Variants in AUTS2 observed in about 807,000 individuals in gnomAD.
AUTS2 encodes the protein autism susceptibility gene 2 protein.
Under a neutral mutation model 112.4 loss-of-function variants are expected in AUTS2, and 17 were observed. The observed-to-expected ratio is 0.15, with a 90% CI of 0.10 to 0.23. AUTS2 has a LOEUF of 0.23. Among genes scored for constraint, AUTS2 ranks in the 10% least tolerant of loss-of-function variants. AUTS2 has a pLI of 1.00. For synonymous variants in AUTS2, 751 were observed against 702.7 expected (o/e 1.07, Z -1.09); for missense variants, 1,510 against 1,701.6 (o/e 0.89, Z 1.98).
chr7:70,152,429 A>G, intron 4 of AUTS2, among the ~76,000 whole-genome samples: 1 of 147,716 alleles, frequency 6.8e-6, no homozygotes, highest in African/African-American at 2.5e-5. Flanking sequence ...CTGACAGCAG[A>G]TTTTTTTTTT....
At chr7:70,133,407 G>A (rs1051390072) in intron 3 of AUTS2, among the ~76,000 whole-genome samples, 2 of 152,148 alleles carry the variant, frequency 1.3e-5, no homozygotes, top group African/African-American at 4.8e-5. Context: ...TGCATCCTGT[G>A]TGCAAGTCAT....
intron 2 of AUTS2, among the ~76,000 whole-genome samples, chr7:69,999,513 C>T (rs1282738869): frequency 6.6e-6 from 1 of 152,124 alleles, no homozygotes; most frequent in Non-Finnish European, 1.5e-5. Flanking sequence ...TTTAAGAGCA[C>T]AGAATGTTGG....
At chr7:69,838,546 C>G (rs1450334360) in intron 1 of AUTS2, among the ~76,000 whole-genome samples, 1 of 152,172 alleles carries the variant, frequency 6.6e-6, no homozygotes, top group African/African-American at 2.4e-5. Flanking sequence ...CCATCAAAAC[C>G]TTTGCTATCT....
intron 1 of AUTS2, among the ~76,000 whole-genome samples, chr7:69,893,170 G>T (rs1184387307): frequency 6.6e-6 from 1 of 152,150 alleles, no homozygotes; most frequent in Admixed American, 6.5e-5. Flanking sequence ...TAAAAGATGT[G>T]AATCTTAGGG....
At chr7:69,677,518 G>C (rs1268736725) in intron 1 of AUTS2, among the ~76,000 whole-genome samples, 3 of 152,162 alleles carry the variant, frequency 2.0e-5, no homozygotes, top group Non-Finnish European at 2.9e-5. Context: ...GAGGAAAAAA[G>C]ATGGTATCTT....
chr7:70,293,178 A>G (rs2129612220), intron 4 of AUTS2: 1 of 152,276 alleles, frequency 6.6e-6, no homozygotes, highest in East Asian at 1.9e-4. Context: ...TCTCAAGGGT[A>G]AGGACACTGT....
chr7:69,764,842 C>G (rs1562867886), intron 1 of AUTS2, among the ~76,000 whole-genome samples: 1 of 152,148 alleles, frequency 6.6e-6, no homozygotes, highest in African/African-American at 2.4e-5. Flanking sequence ...TAGCCCCTTG[C>G]ATGCAAACTT....
At chr7:69,738,872 G>A (rs185063826) in intron 1 of AUTS2, among the ~76,000 whole-genome samples, 32 of 152,268 alleles carry the variant, frequency 2.1e-4, no homozygotes, top group Admixed American at 2.0e-3. Context: ...TTGGTAATCA[G>A]TGTGGAGGAA....
chr7:69,947,901 G>A (rs1796878899), intron 2 of AUTS2, among the ~76,000 whole-genome samples: 1 of 152,160 alleles, frequency 6.6e-6, no homozygotes, highest in African/African-American at 2.4e-5. Context: ...GAGAGATTAA[G>A]TAACTTGCCC....
At chr7:70,568,100 T>G (rs1801780715) in intron 5 of AUTS2, among the ~76,000 whole-genome samples, 1 of 152,264 alleles carries the variant, frequency 6.6e-6, no homozygotes, top group South Asian at 2.1e-4. Context: ...GATGGTCTTT[T>G]TTGTTTTCTT....
At chr7:70,554,943 C>T (rs766204875) in intron 5 of AUTS2, among the ~76,000 whole-genome samples, 77 of 152,254 alleles carry the variant, frequency 5.1e-4, no homozygotes, top group Non-Finnish European at 9.3e-4. Context: ...ATTGGCTTAG[C>T]TCTATTCCAC....
chr7:70,479,614 A>G (rs1797711742), intron 5 of AUTS2, among the ~76,000 whole-genome samples: 1 of 147,764 alleles, frequency 6.8e-6, no homozygotes, highest in African/African-American at 2.6e-5. Context: ...CGCTTTTGCC[A>G]TATATAATAT....
chr7:70,350,588 C>CTCATGAT (rs1008575973), intron 4 of AUTS2, among the ~76,000 whole-genome samples: 2 of 152,122 alleles, frequency 1.3e-5, no homozygotes, highest in African/African-American at 4.8e-5. Flanking sequence ...AAAACCCACC[C>CTCATGAT]TCATGATTCA....
chr7:70,725,384 T>C (rs1032300315), intron 6 of AUTS2, among the ~76,000 whole-genome samples: 1 of 152,134 alleles, frequency 6.6e-6, no homozygotes, highest in Non-Finnish European at 1.5e-5. Context: ...AGAATGGAAA[T>C]TACAGTGGCC....
chr7:70,655,761 CAA>C (rs1806739547), intron 5 of AUTS2, among the ~76,000 whole-genome samples: 1 of 152,200 alleles, frequency 6.6e-6, no homozygotes, highest in Non-Finnish European at 1.5e-5. Flanking sequence ...TACTGGAAGA[CAA>C]GAGAAAGGGA....
intron 6 of AUTS2, among the ~76,000 whole-genome samples, chr7:70,750,357 T>A (rs567181368): frequency 2.2e-4 from 31 of 142,106 alleles, no homozygotes; most frequent in African/African-American, 8.7e-4. Context: ...AGGGTCTCAC[T>A]CTGTTTTCCA....
intron 17 of AUTS2, among the ~76,000 whole-genome samples, chr7:70,786,638 T>G (rs890266175): frequency 6.6e-6 from 1 of 152,208 alleles, no homozygotes; most frequent in African/African-American, 2.4e-5. Flanking sequence ...TGCAAATTAT[T>G]TTCTTTCATG....
intron 5 of AUTS2, among the ~76,000 whole-genome samples, chr7:70,511,571 T>C (rs1381607152): frequency 3.9e-5 from 5 of 126,942 alleles, no homozygotes; most frequent in Non-Finnish European, 8.4e-5. Context: ...CTTTTTTTTT[T>C]TTTTTTTTTT....
intron 6 of AUTS2, among the ~76,000 whole-genome samples, chr7:70,749,143 C>A (rs1788644907): frequency 6.6e-6 from 1 of 152,136 alleles, no homozygotes; most frequent in Non-Finnish European, 1.5e-5. Flanking sequence ...GCATCCTGTC[C>A]AACCTACATG....
Sources: allele counts gnomAD v4.1 joint callset (sites outside exome capture counted in the v4.1 genomes callset), GRCh38; gene constraint gnomAD v4.1.1; transcripts MANE v1.5; gene names NCBI Gene and HGNC (gene_info 2026-07-23, HGNC 2026-07-21).